EPB41: variants seen among roughly 807,000 people sequenced by gnomAD.
The protein encoded by EPB41 is erythrocyte membrane protein band 4.1.
In EPB41, 65 loss-of-function variants were observed where a neutral mutation model predicts 108.0. The observed-to-expected ratio is 0.60, with a 90% CI of 0.49 to 0.74. The LOEUF is 0.74. Ranked by LOEUF, EPB41 falls within the 30% of genes least tolerant of loss-of-function variation. EPB41 has a pLI of 0.00. For synonymous variants in EPB41, 336 were observed against 358.9 expected, an observed-to-expected ratio of 0.94 and a Z score of 0.72; for missense variants, 875 against 1,037.0, an observed-to-expected ratio of 0.84 and a Z score of 2.15.
intron 1 of EPB41, among the ~76,000 whole-genome samples, chr1:28,931,104 A>G (rs1036050898): frequency 1.3e-5 from 2 of 152,152 alleles, no homozygotes; most frequent in Non-Finnish European, 2.9e-5. Flanking sequence ...ATATTTTAAA[A>G]AGCTGAAAAA....
chr1:28,967,546 A>C lies in EPB41; in HGVS notation c.-7-19885A>C, dbSNP rs148457666. ...TTCTGTTTTTCTCTCAAGCTGTAGT[A>C]TGAATTCGACCTTCCTTTCTTTCTC... is the stretch of plus-strand genomic sequence containing the variant. On this transcript the variant is annotated intron_variant, in intron 1 of 20. Transcript: ENST00000343067. Among the ~76,000 whole-genome samples the C allele has an allele frequency of 3.8e-3, 573 of 152,270 alleles. 6 individuals are homozygous for C. The highest frequency in any genetic ancestry group is 0.013 in the African/African-American group (531 of 41,574).
intron 4 of EPB41, among the ~76,000 whole-genome samples, chr1:29,011,539 A>T (rs74065209): frequency 0.01 from 1,583 of 152,330 alleles, 33 homozygotes; most frequent in African/African-American, 0.036. Flanking sequence ...ATATATTTAC[A>T]TGTATTAACT....
chr1:28,978,503 A>G (rs1182654554), intron 1 of EPB41, among the ~76,000 whole-genome samples: 1 of 151,588 alleles, frequency 6.6e-6, no homozygotes, highest in African/African-American at 2.4e-5. Context: ...AGATGCATAT[A>G]GATGCCAAGT....
Position 29,033,182 on chromosome 1 carries a change from G to T in EPB41, c.1302G>T (p.Trp434Cys). 6.2e-7 allele frequency: 1 copy of T among 1,613,916 alleles called. No homozygotes were observed. The highest frequency in any genetic ancestry group is 8.5e-7 in the Non-Finnish European group (1 of 1,179,934). The change falls in exon 9 of 21, where the codon TGG becomes TGT. Residue 434 changes from tryptophan to cysteine, a missense_variant. Coordinates refer to ENST00000343067, the MANE Select transcript of EPB41 (RefSeq NM_001376013.1). The stretch of plus-strand genomic sequence containing the variant: ...AGCTGAGAATTAACCGCTTCCCTTG[G>T]CCCAAAGTGCTGAAGATTTCTTATA... ...KDKLRINRFP[W>C]PKVLKISYKR...
intron 16 of EPB41, among the ~76,000 whole-genome samples, chr1:29,077,924 A>G (rs1654762311): frequency 1.3e-5 from 2 of 152,206 alleles, no homozygotes; most frequent in South Asian, 4.1e-4. Context: ...GCTCATAGCA[A>G]TAGAAAAATA....
rs147640825 is a variant in EPB41, at chr1:29,094,030, A to G, written c.2185-3777A>G. Among the ~76,000 whole-genome samples the G allele has an allele frequency of 1.8e-3, 267 of 152,290 alleles. 2 individuals carry two copies. Among genetic ancestry groups the G allele is most frequent in the Middle Eastern group, 0.01 (3 of 294 alleles). ...TAATCTATCTTGAGTTGACTTTTGT[A>G]TATGGTATAAGGAAGGGATCCAGTT... On this transcript the variant is annotated intron_variant, in intron 16 of 20. Coordinates refer to ENST00000343067, the MANE Select transcript of EPB41 (RefSeq NM_001376013.1).
intron 1 of EPB41, among the ~76,000 whole-genome samples, chr1:28,950,453 G>A (rs572432022): frequency 2.0e-5 from 3 of 152,220 alleles, no homozygotes; most frequent in Non-Finnish European, 2.9e-5. Context: ...TTATTTTAGT[G>A]TGAATGTTTA....
chr1:28,925,205 C>T (rs1018840247), intron 1 of EPB41, among the ~76,000 whole-genome samples: 16 of 152,148 alleles, frequency 1.1e-4, no homozygotes, highest in East Asian at 7.7e-4. Context: ...CCTTGTGATC[C>T]GCCCACCTCG....
chr1:28,967,297 C>T (rs1035804353), intron 1 of EPB41, among the ~76,000 whole-genome samples: 3 of 152,176 alleles, frequency 2.0e-5, no homozygotes, highest in Admixed American at 6.5e-5. Flanking sequence ...GGATTACAGG[C>T]GTGAGCCACC....
At chr1:29,014,546 TATATG>T (rs1347444988) in intron 5 of EPB41, among the ~76,000 whole-genome samples, 1 of 151,674 alleles carries the variant, frequency 6.6e-6, no homozygotes, top group Non-Finnish European at 1.5e-5. Context: ...AGTGTAATAA[TATATG>T]ATATATATTT....
chr1:28,914,949 G>A (rs1056343120), intron 1 of EPB41, among the ~76,000 whole-genome samples, 181 bp downstream of exon 1: 6 of 151,992 alleles, frequency 3.9e-5, no homozygotes, highest in African/African-American at 1.4e-4. Context: ...CGAGTCGCCA[G>A]CCGGGACGCG....
At chr1:29,109,978 G>A (rs1668602354) in intron 18 of EPB41, among the ~76,000 whole-genome samples, 1 of 152,138 alleles carries the variant, frequency 6.6e-6, no homozygotes, top group African/African-American at 2.4e-5. Flanking sequence ...AGATTACAGT[G>A]AGCAGAGATT....
chr1:29,092,649 A>T (rs1661708782), intron 16 of EPB41, among the ~76,000 whole-genome samples: 1 of 152,216 alleles, frequency 6.6e-6, no homozygotes, highest in South Asian at 2.1e-4. Flanking sequence ...TTTGTCACCC[A>T]AGTACTAAGC....
chr1:29,021,874 G>T (rs1010661301), intron 7 of EPB41, among the ~76,000 whole-genome samples: 19 of 152,120 alleles, frequency 1.2e-4, no homozygotes, highest in Admixed American at 9.8e-4. Context: ...GAGCCATCGC[G>T]CCCGGTGGCC....
At chr1:28,968,492 G>GC (rs2095415447) in intron 1 of EPB41, among the ~76,000 whole-genome samples, 1 of 151,950 alleles carries the variant, frequency 6.6e-6, no homozygotes, top group South Asian at 2.1e-4. Flanking sequence ...AAATTCCACT[G>GC]CCATATTTCC....
At chr1:29,011,821 T>C in intron 4 of EPB41, 44 bp from the exon 5 acceptor site, 2 of 1,609,010 alleles carry the variant, frequency 1.2e-6, no homozygotes, top group African/African-American at 2.7e-5. Flanking sequence ...CTGTTGTTTA[T>C]GTGTTTTGGA....
Position 28,997,312 on chromosome 1 carries a change from C to T in EPB41, c.779C>T (p.Thr260Ile), listed in dbSNP as rs751877537. The T allele has an allele frequency of 2.0e-5, 32 of 1,601,730 alleles. No individual in the cohort carries two copies. The highest frequency in any genetic ancestry group is 2.7e-5 in the Non-Finnish European group (32 of 1,168,840). The change falls in exon 4 of 21, where the codon ACC (threonine) becomes ATC (isoleucine). Residue 260 changes from threonine (T) to isoleucine (I), a missense_variant. Coordinates refer to ENST00000343067, the MANE Select transcript of EPB41 (RefSeq NM_001376013.1). The stretch of plus-strand genomic sequence containing the variant: ...GGTCTAGCCATTTGGGATAACGCAA[C>T]CTCTAAGGTGAGGAGACTGCTTGCA... ...YFGLAIWDNA[T>I]SKTWLDSAKE...
upstream of EPB41, among the ~76,000 whole-genome samples, chr1:28,911,695 T>C (rs1036952305): frequency 1.3e-5 from 2 of 152,156 alleles, no homozygotes; most frequent in Admixed American, 1.3e-4. Flanking sequence ...ACTAGAACTC[T>C]GAATAAAAAG....
intron 4 of EPB41, among the ~76,000 whole-genome samples, chr1:29,006,333 T>C (rs1572319240): frequency 6.8e-6 from 1 of 146,850 alleles, no homozygotes; most frequent in African/African-American, 2.5e-5. Flanking sequence ...GCCTCCCGGG[T>C]TCACGCCATT....
Sources: allele counts gnomAD v4.1 joint callset (sites outside exome capture counted in the v4.1 genomes callset), GRCh38; gene constraint gnomAD v4.1.1; transcripts MANE v1.5; gene names NCBI Gene and HGNC (gene_info 2026-07-23, HGNC 2026-07-21).